DLGAP2: variants seen among roughly 807,000 people sequenced by gnomAD.
DLGAP2 encodes the protein disks large-associated protein 2.
Under a neutral mutation model 100.3 loss-of-function variants are expected in DLGAP2, and 26 were observed. The observed-to-expected ratio is 0.26, with a 90% CI of 0.19 to 0.36. The LOEUF (loss-of-function observed/expected upper bound fraction) is 0.36, where lower values mean the gene tolerates loss of function less well. Among genes scored for constraint, DLGAP2 ranks in the 10% least tolerant of loss-of-function variants. The pLI is 1.00. For synonymous variants in DLGAP2, 886 were observed against 630.1 expected, an observed-to-expected ratio of 1.41 and a Z score of -6.08; for missense variants, 1,858 against 1,453.2, an observed-to-expected ratio of 1.28 and a Z score of -4.53.
chr8:1,576,056 A>G (rs952245929), intron 6 of DLGAP2, among the ~76,000 whole-genome samples: 21 of 152,246 alleles, frequency 1.4e-4, no homozygotes, highest in African/African-American at 5.1e-4. Flanking sequence ...GTCTTCCACA[A>G]TGGTTGAACT....
At chr8:993,945 T>C (rs1160231460) in intron 2 of DLGAP2, among the ~76,000 whole-genome samples, 1 of 152,068 alleles carries the variant, frequency 6.6e-6, no homozygotes, top group African/African-American at 2.4e-5. Context: ...TTTTCCCTTT[T>C]TGGTTTGTAA....
At chr8:1,321,324 G>T (rs1213850351) in intron 3 of DLGAP2, among the ~76,000 whole-genome samples, 2 of 151,412 alleles carry the variant, frequency 1.3e-5, no homozygotes, top group African/African-American at 4.9e-5. Context: ...GCGTGTGCGT[G>T]TGTGTCTGTG....
At chr8:1,694,498 C>A (rs1461132732) in intron 13 of DLGAP2, among the ~76,000 whole-genome samples, 1 of 152,204 alleles carries the variant, frequency 6.6e-6, no homozygotes, top group Non-Finnish European at 1.5e-5. Context: ...GTGCAGGTGG[C>A]TTGTGACACA....
intron 3 of DLGAP2, among the ~76,000 whole-genome samples, chr8:1,357,614 A>G (rs1249576829): frequency 6.6e-6 from 1 of 152,160 alleles, no homozygotes; most frequent in Non-Finnish European, 1.5e-5. Flanking sequence ...CACGCTTTAT[A>G]AACTCTTACA....
At chr8:1,439,327 C>T (rs879755772) in intron 3 of DLGAP2, among the ~76,000 whole-genome samples, 4 of 152,152 alleles carry the variant, frequency 2.6e-5, no homozygotes, top group East Asian at 3.9e-4. Flanking sequence ...GGAAGCTTCG[C>T]GCTGTCTGTG....
chr8:1,327,481 C>T (rs1801047568), intron 3 of DLGAP2, among the ~76,000 whole-genome samples: 1 of 152,144 alleles, frequency 6.6e-6, no homozygotes, highest in Non-Finnish European at 1.5e-5. Flanking sequence ...CTTGCTATAG[C>T]TTGTGGAAAA....
chr8:756,866 A>G (rs1278252712), intron 1 of DLGAP2, among the ~76,000 whole-genome samples: 3 of 152,094 alleles, frequency 2.0e-5, no homozygotes, highest in Non-Finnish European at 4.4e-5. Flanking sequence ...TTCTGGAGCC[A>G]TTTTTATCAT....
intron 2 of DLGAP2, among the ~76,000 whole-genome samples, chr8:1,126,128 C>A (rs1430270707): frequency 6.6e-6 from 1 of 152,198 alleles, no homozygotes; most frequent in African/African-American, 2.4e-5. Context: ...GCGGTGAATA[C>A]GTGAGGCAGT....
intron 2 of DLGAP2, among the ~76,000 whole-genome samples, chr8:1,145,713 T>C (rs973139540): frequency 6.6e-6 from 1 of 150,600 alleles, no homozygotes; most frequent in Non-Finnish European, 1.5e-5. Flanking sequence ...GCTGCACCCA[T>C]TAACTCGTCA....
chr8:905,305 A>C (rs1012346103), intron 1 of DLGAP2, among the ~76,000 whole-genome samples: 3 of 151,672 alleles, frequency 2.0e-5, no homozygotes, highest in Non-Finnish European at 4.4e-5. Context: ...TCTCCTGGGG[A>C]GAGTGAGAGG....
intron 3 of DLGAP2, among the ~76,000 whole-genome samples, chr8:1,428,590 A>G (rs1036740739): frequency 2.6e-5 from 4 of 152,260 alleles, no homozygotes; most frequent in African/African-American, 9.6e-5. Context: ...AAAATATTAA[A>G]TAAGACATTA....
intron 1 of DLGAP2, among the ~76,000 whole-genome samples, chr8:767,382 G>A (rs532939253): frequency 1.5e-5 from 2 of 134,136 alleles, no homozygotes; most frequent in East Asian, 2.1e-4. Flanking sequence ...ACAGAGTTTC[G>A]GTCTGTCGCC....
chr8:1,256,112 C>G (rs1405503250), intron 2 of DLGAP2, among the ~76,000 whole-genome samples: 14 of 132,458 alleles, frequency 1.1e-4, no homozygotes, highest in Non-Finnish European at 6.3e-5. Context: ...TGTGTGTGTC[C>G]TCTCCTGCCT....
chr8:1,435,159 G>C (rs1441504433), intron 3 of DLGAP2, among the ~76,000 whole-genome samples: 1 of 152,228 alleles, frequency 6.6e-6, no homozygotes, highest in African/African-American at 2.4e-5. Context: ...ACAGTTTGGG[G>C]ATATTTGGGT....
At chr8:1,198,534 C>T (rs946062395) in intron 2 of DLGAP2, among the ~76,000 whole-genome samples, 1 of 152,026 alleles carries the variant, frequency 6.6e-6, no homozygotes, top group Non-Finnish European at 1.5e-5. Context: ...GAAGGGGCTG[C>T]GAGGAGGGCA....
At chr8:1,341,587 T>G (rs1801419528) in intron 3 of DLGAP2, among the ~76,000 whole-genome samples, 1 of 152,228 alleles carries the variant, frequency 6.6e-6, no homozygotes. Context: ...GCTGACCCCG[T>G]ACAAAAGTTA....
intron 3 of DLGAP2, among the ~76,000 whole-genome samples, chr8:1,294,722 G>C (rs902434697): frequency 4.6e-5 from 7 of 152,014 alleles, no homozygotes; most frequent in African/African-American, 1.7e-4. Context: ...AGCTTATTTT[G>C]GCTGGGTGTG....
At chr8:1,600,010 C>G (rs186002500) in intron 6 of DLGAP2, among the ~76,000 whole-genome samples, 1 of 151,998 alleles carries the variant, frequency 6.6e-6, no homozygotes, top group Non-Finnish European at 1.5e-5. Context: ...TGGCTGGTAC[C>G]GGTTTTTGCT....
chr8:795,640 T>TGAGAACAGGCGTCCAGA (rs1796010746), intron 1 of DLGAP2, among the ~76,000 whole-genome samples: 2 of 126,894 alleles, frequency 1.6e-5, no homozygotes, highest in African/African-American at 2.8e-5. Flanking sequence ...AGGCGTCCAG[T>TGAGAACAGGCGTCCAGA]GAGAGCAGGC....
Sources: allele counts gnomAD v4.1 joint callset (sites outside exome capture counted in the v4.1 genomes callset), GRCh38; gene constraint gnomAD v4.1.1; transcripts MANE v1.5; gene names NCBI Gene and HGNC (gene_info 2026-07-23, HGNC 2026-07-21).